The following MMP26 variants were observed in gnomAD, a reference collection of about 807,000 sequenced individuals.
MMP26 encodes matrix metalloproteinase-26.
Under a neutral mutation model 31.0 loss-of-function variants are expected in MMP26, and 33 were observed. The ratio of observed to expected loss-of-function variants is 1.06; its 90% CI spans 0.81 to 1.42. The LOEUF is 1.42. MMP26 is among the 40% of genes most tolerant of loss of function. The pLI, the probability that MMP26 is intolerant of heterozygous loss-of-function variation, is 0.00. For missense variants in MMP26, 347 were observed against 316.1 expected, an observed-to-expected ratio of 1.10 and a Z score of -0.74; for synonymous variants, 122 against 114.9, an observed-to-expected ratio of 1.06 and a Z score of -0.40.
chr11:4,850,608 A>G (rs1485276905), intron 2 of MMP26, among the ~76,000 whole-genome samples: 1 of 152,136 alleles, frequency 6.6e-6, no homozygotes, highest in Non-Finnish European at 1.5e-5. Flanking sequence ...AAAGAAAAGT[A>G]AAATAAAAAA....
chr11:4,941,090 T>G (rs1302049876), intron 2 of MMP26, among the ~76,000 whole-genome samples: 2 of 152,230 alleles, frequency 1.3e-5, no homozygotes, highest in Non-Finnish European at 2.9e-5. Context: ...GATAAGCCAT[T>G]TGCTAGCTAA....
intron 2 of MMP26, among the ~76,000 whole-genome samples, chr11:4,843,673 G>A (rs1370564868): frequency 1.3e-5 from 2 of 152,202 alleles, no homozygotes; most frequent in African/African-American, 2.4e-5. Flanking sequence ...TGAAATACCT[G>A]GGAGACATTT....
intron 2 of MMP26, among the ~76,000 whole-genome samples, chr11:4,863,453 G>A (rs1051227864): frequency 6.6e-6 from 1 of 151,750 alleles, no homozygotes; most frequent in Non-Finnish European, 1.5e-5. Flanking sequence ...TTCCATCTTT[G>A]CTTTCTACCA....
intron 2 of MMP26, chr11:4,881,941 C>G: frequency 6.2e-7 from 1 of 1,613,840 alleles, no homozygotes; most frequent in African/African-American, 1.3e-5. Context: ...CCTCAAACTT[C>G]CTCCTCACTG....
At chr11:4,777,855 G>A (rs573688848) in intron 2 of MMP26, among the ~76,000 whole-genome samples, 3 of 152,080 alleles carry the variant, frequency 2.0e-5, no homozygotes, top group African/African-American at 4.8e-5. Flanking sequence ...GTTGTTGATG[G>A]ATGTTGTTGT....
chr11:4,731,759 A>G (rs1029141650), intron 1 of MMP26, among the ~76,000 whole-genome samples: 2 of 152,218 alleles, frequency 1.3e-5, no homozygotes, highest in African/African-American at 2.4e-5. Context: ...CTGTCAATTC[A>G]TAGCCCACCA....
intron 1 of MMP26, among the ~76,000 whole-genome samples, chr11:4,718,336 T>A (rs552444540): frequency 6.6e-6 from 1 of 152,332 alleles, no homozygotes; most frequent in East Asian, 1.9e-4. Context: ...TTATCAGACA[T>A]GTGAACTTAA....
intron 2 of MMP26, among the ~76,000 whole-genome samples, chr11:4,975,311 G>T (rs1321402955): frequency 6.6e-6 from 1 of 151,950 alleles, no homozygotes; most frequent in Non-Finnish European, 1.5e-5. Context: ...CAGTATGATG[G>T]CTGTCTGCTT....
intron 1 of MMP26, among the ~76,000 whole-genome samples, chr11:4,728,429 T>C (rs1848131306): frequency 6.6e-6 from 1 of 151,980 alleles, no homozygotes; most frequent in South Asian, 2.1e-4. Context: ...GACTGATCAG[T>C]AGAGGAGTAC....
At chr11:4,936,882 G>A (rs1220665663) in intron 2 of MMP26, among the ~76,000 whole-genome samples, 2 of 152,076 alleles carry the variant, frequency 1.3e-5, no homozygotes, top group African/African-American at 4.8e-5. Flanking sequence ...ATCCAAATAT[G>A]CAGTTAATAT....
intron 2 of MMP26, chr11:4,860,675 A>C (rs1850141322): frequency 8.9e-6 from 3 of 337,730 alleles, no homozygotes; most frequent in African/African-American, 6.5e-5. Context: ...GCATAGTAGA[A>C]TAGCAGAGGA....
chr11:4,766,167 G>T lies in MMP26; in HGVS notation c.-216-1103G>T, dbSNP rs145298919. Among the ~76,000 whole-genome samples, 571 of 152,188 alleles carry T rather than the reference G, an allele frequency of 3.8e-3. 5 individuals are homozygous for T. Among genetic ancestry groups the T allele is most frequent in the African/African-American group, 0.013 (545 of 41,524 alleles). On this transcript the variant is annotated intron_variant, in intron 1 of 7. Transcript: ENST00000380390. ...GCTTGCTAATTTTTGCTATTCTTCG[G>T]GTTATAGTCTCTTTCTTATCTTACT...
intron 2 of MMP26, among the ~76,000 whole-genome samples, chr11:4,823,608 T>C (rs1017437165): frequency 1.3e-5 from 2 of 152,156 alleles, no homozygotes; most frequent in Non-Finnish European, 2.9e-5. Flanking sequence ...CATGAGGCCA[T>C]GGATGTGAAT....
chr11:4,770,800 A>G (rs1966653), intron 2 of MMP26, among the ~76,000 whole-genome samples: 44,690 of 151,874 alleles, frequency 0.29, 7,916 homozygotes, highest in African/African-American at 0.48. Context: ...CCAAGATTGC[A>G]CCACCGCACT....
chr11:4,768,849 A>G (rs530462556), intron 2 of MMP26: 1 of 504,662 alleles, frequency 2.0e-6, no homozygotes, highest in East Asian at 2.9e-5. Flanking sequence ...TATACAACAT[A>G]TTTACTATTT....
intron 1 of MMP26, among the ~76,000 whole-genome samples, chr11:4,728,522 T>C (rs1403320358): frequency 6.6e-6 from 1 of 152,218 alleles, no homozygotes; most frequent in Admixed American, 6.5e-5. Context: ...GCCTCTGTTA[T>C]AAGTGTGAGA....
intron 2 of MMP26, among the ~76,000 whole-genome samples, chr11:4,934,545 AG>A (rs1851404777): frequency 6.9e-6 from 1 of 145,166 alleles, no homozygotes; most frequent in Admixed American, 7.0e-5. Flanking sequence ...CTCTGATGGT[AG>A]TTTCTTTTGC....
At chr11:4,970,440 A>G (rs1469228678) in intron 2 of MMP26, among the ~76,000 whole-genome samples, 1 of 152,102 alleles carries the variant, frequency 6.6e-6, no homozygotes, top group Non-Finnish European at 1.5e-5. Flanking sequence ...TTTTCAGTTA[A>G]CCCTTTCCCC....
chr11:4,954,839 A>T lies in MMP26; in HGVS notation c.-144-33229A>T, dbSNP rs186968743. The T allele has an allele frequency of 1.2e-5, 13 of 1,105,488 alleles. 3 individuals are homozygous for T. The African/African-American group carries it at 2.1e-4, about 18-fold the overall frequency. 68.5% of individuals were successfully genotyped at this position (1,105,488 alleles called of 1,614,324 possible). ...AATCTGTTTAGTTTTTACACAATAA[A>T]CAATTGGTTTCATCAGCGGAGGTAC... On this transcript the variant is annotated intron_variant, in intron 2 of 7. Transcript: ENST00000380390.
Sources: allele counts gnomAD v4.1 joint callset (sites outside exome capture counted in the v4.1 genomes callset), GRCh38; gene constraint gnomAD v4.1.1; transcripts MANE v1.5; gene names NCBI Gene and HGNC (gene_info 2026-07-23, HGNC 2026-07-21).